The following ADAMTS18 variants were observed in gnomAD, a reference collection of about 807,000 sequenced individuals.
ADAMTS18 encodes the protein ADAM metallopeptidase with thrombospondin type 1 motif 18.
Under a neutral mutation model 165.9 loss-of-function variants are expected in ADAMTS18, and 157 were observed. The observed-to-expected ratio is 0.95, with a 90% CI of 0.83 to 1.08. ADAMTS18 has a LOEUF of 1.08. Among genes scored for constraint, ADAMTS18 ranks in the 50% least tolerant of loss-of-function variants. The pLI is 0.00. For synonymous variants in ADAMTS18, 782 were observed against 578.2 expected (o/e 1.35, Z -5.06); for missense variants, 2,040 against 1,534.0 (o/e 1.33, Z -5.51).
intron 16 of ADAMTS18, among the ~76,000 whole-genome samples, chr16:77,317,396 C>T (rs866206188): frequency 6.6e-6 from 1 of 152,286 alleles, no homozygotes; most frequent in African/African-American, 2.4e-5. Flanking sequence ...TGCAGTGATG[C>T]AATCTCGGCT....
intron 3 of ADAMTS18, among the ~76,000 whole-genome samples, chr16:77,398,889 A>G (rs1188347681): frequency 6.6e-6 from 1 of 152,156 alleles, no homozygotes; most frequent in Non-Finnish European, 1.5e-5. Flanking sequence ...ATGCACCTAG[A>G]TGTTTGGGTG....
chr16:77,325,972 A>G lies in ADAMTS18; in HGVS notation c.1926T>C (p.Pro642=), dbSNP rs764422390. ...GAAAATCCAAGCTATTTTCATTGCA[A>G]GGGTTAATATTGCACAGCTGATAAA... ...SRIYQLCNIN[P]CNENSLDFRA... is the part of the protein sequence containing the mutation. Residue 642 remains proline (P), a synonymous_variant, in exon 13 of 23, where the codon CCT becomes CCC. Coordinates refer to ENST00000282849, the MANE Select transcript of ADAMTS18 (RefSeq NM_199355.4). 1 of 1,613,936 alleles carries G rather than the reference A, an allele frequency of 6.2e-7. No individual in the cohort carries two copies. The highest frequency in any genetic ancestry group is 8.5e-7 in the Non-Finnish European group (1 of 1,179,974).
intron 3 of ADAMTS18, among the ~76,000 whole-genome samples, chr16:77,427,772 G>A (rs958296901): frequency 5.9e-5 from 9 of 152,174 alleles, no homozygotes; most frequent in African/African-American, 2.2e-4. Flanking sequence ...GGAATAAAGG[G>A]AGACCTGTGA....
At chr16:77,344,268 A>T (rs759801308) in intron 10 of ADAMTS18, among the ~76,000 whole-genome samples, 8 of 151,754 alleles carry the variant, frequency 5.3e-5, no homozygotes, top group Non-Finnish European at 1.0e-4. Context: ...AGAAACACCA[A>T]CACCACCAGC....
intron 10 of ADAMTS18, among the ~76,000 whole-genome samples, chr16:77,342,456 T>TATTG (rs2144689657): frequency 1.8e-5 from 2 of 109,234 alleles, no homozygotes; most frequent in East Asian, 1.7e-3. Flanking sequence ...GTTTATAGTT[T>TATTG]ATTGACTGAC....
At chr16:77,296,071 A>G (rs907332762) in intron 18 of ADAMTS18, among the ~76,000 whole-genome samples, 2 of 152,102 alleles carry the variant, frequency 1.3e-5, no homozygotes, top group African/African-American at 4.8e-5. Flanking sequence ...AAGATTGTGT[A>G]ATACGATTGC....
chr16:77,302,382 A>G (rs924450432), intron 16 of ADAMTS18, among the ~76,000 whole-genome samples: 1 of 152,212 alleles, frequency 6.6e-6, no homozygotes, highest in Admixed American at 6.5e-5. Context: ...TGTACCACAG[A>G]AAATTATGCA....
chr16:77,309,974 G>A (rs977902689), intron 16 of ADAMTS18, among the ~76,000 whole-genome samples: 11 of 152,132 alleles, frequency 7.2e-5, no homozygotes, highest in Admixed American at 7.2e-4. Context: ...GCTATTTGCT[G>A]TACTTAACTT....
chr16:77,305,387 A>G (rs1230500701), intron 16 of ADAMTS18, among the ~76,000 whole-genome samples: 1 of 152,222 alleles, frequency 6.6e-6, no homozygotes, highest in South Asian at 2.1e-4. Flanking sequence ...TCTCAAATCA[A>G]ATCCACCCTC....
At chr16:77,371,042 C>T (rs8053285) in intron 3 of ADAMTS18, among the ~76,000 whole-genome samples, 39,477 of 151,922 alleles carry the variant, frequency 0.26, 5,790 homozygotes, top group East Asian at 0.57. Flanking sequence ...TAGTGAAACC[C>T]TGTCTCTACA....
chr16:77,307,476 T>G (rs1371443788), intron 16 of ADAMTS18, among the ~76,000 whole-genome samples: 1 of 152,206 alleles, frequency 6.6e-6, no homozygotes, highest in African/African-American at 2.4e-5. Flanking sequence ...GCTGACACAT[T>G]GAACCTTGAC....
At chr16:77,415,225 C>T (rs557306462) in intron 3 of ADAMTS18, among the ~76,000 whole-genome samples, 1 of 152,336 alleles carries the variant, frequency 6.6e-6, no homozygotes, top group East Asian at 1.9e-4. Context: ...GCGCTTATTG[C>T]ACTATGCTTG....
intron 12 of ADAMTS18, among the ~76,000 whole-genome samples, chr16:77,334,738 T>TATATATACTGTATACTATAGC (rs1567491844): frequency 4.3e-5 from 5 of 116,948 alleles, no homozygotes; most frequent in African/African-American, 1.3e-4. Context: ...TATACTATAG[T>TATATATACTGTATACTATAGC]ATATATACTG....
intron 10 of ADAMTS18, among the ~76,000 whole-genome samples, chr16:77,348,999 TGG>T (rs1424443261): frequency 2.0e-5 from 3 of 151,790 alleles, no homozygotes. Flanking sequence ...TCAACATCAC[TGG>T]AGCGTAAGTG....
chr16:77,294,214 G>A (rs567697159), intron 19 of ADAMTS18, among the ~76,000 whole-genome samples: 96 of 152,254 alleles, frequency 6.3e-4, no homozygotes, highest in Non-Finnish European at 1.2e-3. Context: ...AAGGGAAGCT[G>A]TAGGGAAGGG....
chr16:77,299,572 A>G (rs207476185), intron 17 of ADAMTS18, among the ~76,000 whole-genome samples: 3 of 152,258 alleles, frequency 2.0e-5, no homozygotes, highest in African/African-American at 7.2e-5. Context: ...GAAATGAGAG[A>G]CCAACATTCA....
chr16:77,326,026 A>T lies in ADAMTS18; in HGVS notation c.1872T>A (p.Gly624=). Residue 624 remains glycine (G), a synonymous_variant, in exon 13 of 23, where the codon GGT becomes GGA. Transcript: ENST00000282849. ...GGCTAGAACCTGGACAGAATAAGCC[A>T]CCATACTGAGGCCTGAAAATGAAAT... ...RHCNNPKPQY[G]GLFCPGSSRI... 1 of 1,613,896 alleles carries T rather than the reference A, an allele frequency of 6.2e-7. No homozygotes were observed. Among genetic ancestry groups the T allele is most frequent in the Non-Finnish European group, 8.5e-7 (1 of 1,179,830 alleles).
chr16:77,325,389 A>G (rs1304731208), intron 13 of ADAMTS18, among the ~76,000 whole-genome samples: 1 of 152,156 alleles, frequency 6.6e-6, no homozygotes, highest in East Asian at 1.9e-4. Flanking sequence ...ACCTAGTATA[A>G]TTTTTATTTA....
intron 16 of ADAMTS18, among the ~76,000 whole-genome samples, chr16:77,301,076 T>C (rs1380653212): frequency 6.6e-6 from 1 of 152,150 alleles, no homozygotes; most frequent in Non-Finnish European, 1.5e-5. Flanking sequence ...GAATCAGCAA[T>C]TGGAATACAT....
Sources: allele counts gnomAD v4.1 joint callset (sites outside exome capture counted in the v4.1 genomes callset), GRCh38; gene constraint gnomAD v4.1.1; transcripts MANE v1.5; gene names NCBI Gene and HGNC (gene_info 2026-07-23, HGNC 2026-07-21).